The following C3orf52 variants were observed in gnomAD, a reference collection of about 807,000 sequenced individuals.
C3orf52 encodes the protein chromosome 3 open reading frame 52.
A neutral mutation model predicts 24.8 loss-of-function variants in C3orf52; 22 were observed. The ratio of observed to expected loss-of-function variants is 0.89; its 90% CI spans 0.63 to 1.27. C3orf52 has a LOEUF of 1.27. C3orf52 is among the 50% of genes most tolerant of loss of function. C3orf52 has a pLI of 0.00. For synonymous variants in C3orf52, 93 were observed against 100.2 expected (o/e 0.93, Z 0.43); for missense variants, 265 against 260.7 (o/e 1.02, Z -0.11).
Position 112,094,879 on chromosome 3 carries a change from T to C in C3orf52, c.268+1390T>C, listed in dbSNP as rs537122507. On this transcript the variant is annotated intron_variant, in intron 2 of 5. Transcript: ENST00000264848. ...GATCCAGCCTTCATGCGGCATGGGT[T>C]GAGTCCAGCTCCCAGTTACAAACCC... 2.6e-5 allele frequency among the ~76,000 whole-genome samples: 4 copies of C among 152,324 alleles called. No individual in the cohort carries two copies. The East Asian group carries it at 7.7e-4, about 29-fold the overall frequency.
intron 5 of C3orf52, among the ~76,000 whole-genome samples, chr3:112,114,363 A>ATG (rs1350374591): frequency 6.7e-6 from 1 of 149,508 alleles, no homozygotes; most frequent in Non-Finnish European, 1.5e-5. Context: ...CAGACACTAT[A>ATG]TGTGTGTGGA....
At chr3:112,098,847 A>C (rs904242822) in intron 2 of C3orf52, among the ~76,000 whole-genome samples, 5 of 152,082 alleles carry the variant, frequency 3.3e-5, no homozygotes, top group African/African-American at 1.2e-4. Flanking sequence ...ATACCATTCA[A>C]AAGTGCTCTC....
chr3:112,127,896 T>C (rs1371105630), intron 4 of C3orf52: 5 of 754,978 alleles, frequency 6.6e-6, no homozygotes, highest in Non-Finnish European at 1.2e-5. Flanking sequence ...TCTTAGGTGA[T>C]TGTATCTGGG....
intron 4 of C3orf52, chr3:112,123,847 C>T (rs1363697051): frequency 6.8e-7 from 1 of 1,479,636 alleles, no homozygotes; most frequent in African/African-American, 1.4e-5. Context: ...TCAACACAGG[C>T]TTGACCCTTG....
intron 2 of C3orf52, among the ~76,000 whole-genome samples, chr3:112,100,032 T>C (rs1279166816): frequency 1.3e-5 from 2 of 152,256 alleles, no homozygotes; most frequent in African/African-American, 4.8e-5. Context: ...AAGCCAGCTC[T>C]GTTTCTACTA....
In C3orf52 at chr3:112,117,045, C is replaced by T; in HGVS notation, c.*399C>T. On this transcript the variant is annotated 3_prime_UTR_variant, in exon 6 of 6. Transcript: ENST00000264848. The stretch of plus-strand genomic sequence containing the variant: ...ATGGCACTGCTATTCTTGAAGCACT[C>T]CACCCACCTGGGCTACTTTTTCTTT... The T allele has an allele frequency of 2.2e-6, 2 of 917,758 alleles. No individual in the cohort carries two copies. The highest frequency in any genetic ancestry group is 3.2e-6 in the Non-Finnish European group (2 of 616,562). The allele number at this position is 917,758 out of a possible 1,614,324, so 56.9% of individuals were successfully genotyped here. A position where few individuals can be genotyped will look rare whatever the true frequency, so the allele number is the denominator to read the frequency against.
At chr3:112,134,518 C>T (rs550240481), downstream of C3orf52, 1 of 152,104 alleles carries the variant, frequency 6.6e-6, no homozygotes, top group African/African-American at 2.4e-5. Flanking sequence ...GTAGGCCACA[C>T]CCCTGTCGCA....
At chr3:112,122,914 T>C (rs918310435), downstream of C3orf52, 5 of 154,794 alleles carry the variant, frequency 3.2e-5, no homozygotes, top group African/African-American at 1.2e-4. Context: ...CTCACATAAC[T>C]AACCAGACCA....
chr3:112,126,241 C>A (rs138213615), intron 4 of C3orf52, among the ~76,000 whole-genome samples: 2 of 152,320 alleles, frequency 1.3e-5, no homozygotes, highest in African/African-American at 4.8e-5. Flanking sequence ...ATTTACACAT[C>A]TTGCAGGGCT....
intron 3 of C3orf52, among the ~76,000 whole-genome samples, chr3:112,108,711 A>G (rs1287259561): frequency 6.6e-6 from 1 of 152,232 alleles, no homozygotes; most frequent in Admixed American, 6.5e-5. Flanking sequence ...AAAAAAGGCA[A>G]GTTTTAGAAG....
chr3:112,124,810 T>G (rs2074275859), intron 4 of C3orf52, among the ~76,000 whole-genome samples: 1 of 152,158 alleles, frequency 6.6e-6, no homozygotes, highest in African/African-American at 2.4e-5. Flanking sequence ...GAAGTGAGAC[T>G]TGGTTTTGAA....
At chr3:112,090,240 A>C (rs1275698276) in intron 1 of C3orf52, among the ~76,000 whole-genome samples, 1 of 150,302 alleles carries the variant, frequency 6.7e-6, no homozygotes, top group East Asian at 2.0e-4. Context: ...GCTGAGAAGC[A>C]CTGTACAGTC....
downstream of C3orf52, chr3:112,133,234 G>T (rs775541706): frequency 4.6e-6 from 5 of 1,097,630 alleles, no homozygotes; most frequent in South Asian, 2.6e-5. Flanking sequence ...CTGGCCACCC[G>T]TGCAGAGACA....
At chr3:112,128,780 A>G (rs576775438), downstream of C3orf52, 2 of 156,544 alleles carry the variant, frequency 1.3e-5, no homozygotes, top group Admixed American at 1.2e-4. Context: ...ATCTCTCTGC[A>G]GTCCTGCATC....
At chr3:112,097,441 A>G (rs1226319527) in intron 2 of C3orf52, among the ~76,000 whole-genome samples, 1 of 152,180 alleles carries the variant, frequency 6.6e-6, no homozygotes, top group Non-Finnish European at 1.5e-5. Flanking sequence ...CTTAATTTAT[A>G]CACCTTTTAT....
At chr3:112,103,932 AT>A (rs1341131023) in intron 3 of C3orf52, among the ~76,000 whole-genome samples, 1 of 152,210 alleles carries the variant, frequency 6.6e-6, no homozygotes. Context: ...TAATCAGCAG[AT>A]TGACACAGTT....
Position 112,109,622 on chromosome 3 carries a change from G to A in C3orf52, c.467+9G>A. On this transcript the variant is annotated intron_variant, in intron 4 of 5. Coordinates refer to ENST00000264848, the MANE Select transcript of C3orf52 (RefSeq NM_024616.3). ...GAAATAGTGGACTTCAGGTAAGAGT[G>A]TGGAACATTACATTTTGCTCTCTTT... is the stretch of plus-strand genomic sequence containing the variant. 1.9e-6 allele frequency: 3 copies of A among 1,553,040 alleles called. No homozygotes were observed. The highest frequency in any genetic ancestry group is 1.8e-6 in the Non-Finnish European group (2 of 1,126,426).
Position 112,088,617 on chromosome 3 carries a change from G to A in C3orf52, c.138+2072G>A, listed in dbSNP as rs543311936. On this transcript the variant is annotated intron_variant, in intron 1 of 5. Transcript: ENST00000264848. ...TCAGTGGTGCCTCTGAAGCTTGAAC[G>A]TATGTTTTTTAGATCTCAAACCTTT... Among the ~76,000 whole-genome samples, 593 of 152,248 alleles carry A rather than the reference G, an allele frequency of 3.9e-3. 2 individuals carry two copies. The highest frequency in any genetic ancestry group is 5.8e-3 in the Non-Finnish European group (392 of 68,018).
intron 1 of C3orf52, among the ~76,000 whole-genome samples, chr3:112,091,162 C>T (rs1202214848): frequency 3.9e-5 from 6 of 152,198 alleles, no homozygotes; most frequent in Admixed American, 3.3e-4. Context: ...GTCCCCTCAT[C>T]TAGATTTTCT....
Sources: allele counts gnomAD v4.1 joint callset (sites outside exome capture counted in the v4.1 genomes callset), GRCh38; gene constraint gnomAD v4.1.1; transcripts MANE v1.5; gene names NCBI Gene and HGNC (gene_info 2026-07-23, HGNC 2026-07-21).